FERMT2: variants seen among roughly 807,000 people sequenced by gnomAD.
The protein encoded by FERMT2 is FERM domain containing kindlin 2.
FERMT2 carries 15 observed loss-of-function variants against 82.7 expected under a neutral mutation model. The ratio of observed to expected loss-of-function variants is 0.18; its 90% confidence interval spans 0.12 to 0.28. The LOEUF (loss-of-function observed/expected upper bound fraction) is 0.28, where lower values mean the gene tolerates loss of function less well. Among genes scored for constraint, FERMT2 ranks in the 10% least tolerant of loss-of-function variants. The probability of loss-of-function intolerance (pLI) is 1.00; values close to 1 mark genes in which losing one functional copy is unlikely to be tolerated. For synonymous variants in FERMT2, 274 were observed against 271.5 expected (o/e 1.01, Z -0.09); for missense variants, 645 against 809.4 (o/e 0.80, Z 2.46).
chr14:52,950,776 G>A, intron 1 of FERMT2, 145 bp downstream of exon 1: 1 of 510,740 alleles, frequency 2.0e-6, no homozygotes, highest in Non-Finnish European at 3.4e-6. Context: ...CCTCGGTCCC[G>A]GCGCCGCCCG....
chr14:52,874,039 T>C (rs990072181), intron 9 of FERMT2, 138 bp downstream of exon 9: 4 of 476,222 alleles, frequency 8.4e-6, no homozygotes, highest in South Asian at 6.6e-5. Flanking sequence ...TCGTGGTAAT[T>C]TGGTGTTCAC....
At chr14:52,893,743 T>A (rs537411182) in intron 3 of FERMT2, among the ~76,000 whole-genome samples, 2 of 152,326 alleles carry the variant, frequency 1.3e-5, no homozygotes, top group South Asian at 4.1e-4. Context: ...AGTTTATATG[T>A]CCTTCACTCA....
chr14:52,917,076 G>C (rs555182160), intron 3 of FERMT2, among the ~76,000 whole-genome samples: 1 of 152,140 alleles, frequency 6.6e-6, no homozygotes, highest in Non-Finnish European at 1.5e-5. Flanking sequence ...ATATAAACTG[G>C]TATAACCAAC....
chr14:52,875,371 T>C lies in FERMT2; in HGVS notation c.964-14A>G, dbSNP rs773739143. ...ATTGATATGATACTGAAACCAGAAT[T>C]ATTTTATTAAAATAATTGCTATAAC... On this transcript the variant is annotated splice_polypyrimidine_tract_variant and intron_variant, in intron 7 of 14. Coordinates refer to ENST00000341590, the MANE Select transcript of FERMT2 (RefSeq NM_006832.3). 1 of 1,543,282 alleles carries C rather than the reference T, an allele frequency of 6.5e-7. No individual in the cohort carries two copies. Among genetic ancestry groups the C allele is most frequent in the Non-Finnish European group, 8.9e-7 (1 of 1,125,372 alleles).
intron 3 of FERMT2, among the ~76,000 whole-genome samples, chr14:52,909,743 G>A (rs1254626631): frequency 6.6e-6 from 1 of 152,016 alleles, no homozygotes; most frequent in Non-Finnish European, 1.5e-5. Flanking sequence ...CAAAAAAGTA[G>A]TTTAAGTGAT....
intron 4 of FERMT2, 179 bp from the exon 5 acceptor site, chr14:52,881,648 A>G: frequency 2.4e-6 from 2 of 848,354 alleles, no homozygotes; most frequent in East Asian, 2.8e-5. Context: ...CTTGTATAAC[A>G]TTAAAACACG....
intron 2 of FERMT2, among the ~76,000 whole-genome samples, chr14:52,930,590 T>C (rs1370998872): frequency 1.3e-5 from 2 of 152,114 alleles, no homozygotes; most frequent in East Asian, 3.8e-4. Context: ...AATATCAAAT[T>C]GTAGGGCACC....
At chr14:52,869,817 C>T (rs1009782315) in intron 10 of FERMT2, among the ~76,000 whole-genome samples, 3 of 152,106 alleles carry the variant, frequency 2.0e-5, no homozygotes, top group African/African-American at 7.2e-5. Flanking sequence ...AATGACAGCT[C>T]CATGCTTGTT....
intron 2 of FERMT2, among the ~76,000 whole-genome samples, chr14:52,936,925 T>C (rs574466620): frequency 1.3e-5 from 2 of 151,942 alleles, no homozygotes; most frequent in South Asian, 4.2e-4. Flanking sequence ...GAGGCTGAGG[T>C]GGGCGGATCA....
At chr14:52,943,541 G>A (rs561237479) in intron 2 of FERMT2, among the ~76,000 whole-genome samples, 1 of 152,258 alleles carries the variant, frequency 6.6e-6, no homozygotes, top group South Asian at 2.1e-4. Flanking sequence ...GAAAATGGAT[G>A]CATATTAGAT....
chr14:52,923,783 A>T (rs562828798), intron 2 of FERMT2, among the ~76,000 whole-genome samples: 1 of 152,354 alleles, frequency 6.6e-6, no homozygotes, highest in South Asian at 2.1e-4. Context: ...GTGGATGAGT[A>T]ACAATATAGA....
chr14:52,861,339 G>T (rs796136202), intron 12 of FERMT2: 11 of 339,868 alleles, frequency 3.2e-5, no homozygotes, highest in South Asian at 2.8e-4. Flanking sequence ...GATAAAAAGA[G>T]CAAATATTTC....
chr14:52,931,404 T>G (rs1269431362), intron 2 of FERMT2, among the ~76,000 whole-genome samples: 2 of 152,206 alleles, frequency 1.3e-5, no homozygotes, highest in East Asian at 3.8e-4. Flanking sequence ...CAATGGAGGC[T>G]CTCAGATTGT....
At chr14:52,942,249 ATATG>A (rs1421172648) in intron 2 of FERMT2, among the ~76,000 whole-genome samples, 1 of 151,876 alleles carries the variant, frequency 6.6e-6, no homozygotes, top group Non-Finnish European at 1.5e-5. Context: ...GTATCAATAT[ATATG>A]TATTATCTCA....
intron 4 of FERMT2, among the ~76,000 whole-genome samples, chr14:52,892,964 A>G (rs1887036901): frequency 6.6e-6 from 1 of 152,198 alleles, no homozygotes; most frequent in Admixed American, 6.5e-5. Flanking sequence ...CTGACACTGG[A>G]TAGTGATTTC....
In FERMT2 at chr14:52,874,167, T is replaced by C. The variant is rs377325854; in HGVS notation, c.1148+10A>G. The C allele has an allele frequency of 7.0e-6, 11 of 1,566,318 alleles. No homozygotes were observed. The highest frequency in any genetic ancestry group is 3.4e-4 in the Middle Eastern group (2 of 5,936). On this transcript the variant is annotated intron_variant, in intron 9 of 14. Transcript: ENST00000341590. ...TATTAATATTTGGCATCCCTCCTTT[T>C]TGTACTTACTTGAAAACTTTAATGT...
intron 10 of FERMT2, among the ~76,000 whole-genome samples, chr14:52,865,344 C>T (rs894666890): frequency 1.3e-5 from 2 of 152,132 alleles, no homozygotes; most frequent in African/African-American, 4.8e-5. Context: ...TTGTAGGAGG[C>T]TTTACAGAAG....
At chr14:52,864,174 C>T (rs533393723) in intron 12 of FERMT2, among the ~76,000 whole-genome samples, 1 of 152,142 alleles carries the variant, frequency 6.6e-6, no homozygotes, top group Non-Finnish European at 1.5e-5. Context: ...ATCTGAAATC[C>T]AAAATGTGCC....
chr14:52,920,950 G>GAAAAA (rs146780949), intron 2 of FERMT2, among the ~76,000 whole-genome samples: 17 of 147,110 alleles, frequency 1.2e-4, no homozygotes, highest in Admixed American at 1.4e-4. Flanking sequence ...CCTACCTCAA[G>GAAAAA]AAAAAAAAAA....
Sources: allele counts gnomAD v4.1 joint callset (sites outside exome capture counted in the v4.1 genomes callset), GRCh38; gene constraint gnomAD v4.1.1; transcripts MANE v1.5; gene names NCBI Gene and HGNC (gene_info 2026-07-23, HGNC 2026-07-21).